The following KIAA1217 variants were observed in gnomAD, a reference collection of about 807,000 sequenced individuals.
KIAA1217 encodes the protein sickle tail protein homolog.
A neutral mutation model predicts 163.9 loss-of-function variants in KIAA1217; 88 were observed. That is an observed-to-expected ratio of 0.54 (90% CI 0.45 to 0.64). The LOEUF is 0.64. Among genes scored for constraint, KIAA1217 ranks in the 30% least tolerant of loss-of-function variants. The pLI, the probability that KIAA1217 is intolerant of heterozygous loss-of-function variation, is 0.00. For missense variants in KIAA1217, 2,372 were observed against 2,475.0 expected, an observed-to-expected ratio of 0.96 and a Z score of 0.88; for synonymous variants, 903 against 923.1, an observed-to-expected ratio of 0.98 and a Z score of 0.39.
At chr10:23,993,587 A>G (rs1041708135) in intron 1 of KIAA1217, among the ~76,000 whole-genome samples, 26 of 50,906 alleles carry the variant, frequency 5.1e-4, no homozygotes, top group African/African-American at 4.9e-3. Context: ...ACAGAGTCTC[A>G]TTCTGTTGCC....
At chr10:23,856,455 G>A (rs542789930) in intron 1 of KIAA1217, among the ~76,000 whole-genome samples, 59 of 152,348 alleles carry the variant, frequency 3.9e-4, no homozygotes, top group African/African-American at 1.3e-3. Context: ...CTGCTCGGGG[G>A]TCAGGGGTCA....
chr10:23,711,134 G>C (rs74465412), intron 1 of KIAA1217, among the ~76,000 whole-genome samples: 3,283 of 152,238 alleles, frequency 0.022, 112 homozygotes, highest in African/African-American at 0.075. Flanking sequence ...CCGTGTGCTT[G>C]AATATGGATG....
At chr10:23,760,620 T>G (rs534427463) in intron 1 of KIAA1217, among the ~76,000 whole-genome samples, 4 of 152,206 alleles carry the variant, frequency 2.6e-5, no homozygotes, top group South Asian at 4.1e-4. Context: ...TATAGGGGAA[T>G]GATTTTAAAA....
At chr10:24,132,076 T>C (rs1466397948) in intron 2 of KIAA1217, among the ~76,000 whole-genome samples, 23 of 152,186 alleles carry the variant, frequency 1.5e-4, no homozygotes, top group Non-Finnish European at 2.9e-5. Flanking sequence ...CTTTGCTATT[T>C]TGAGGGCCCC....
intron 1 of KIAA1217, among the ~76,000 whole-genome samples, chr10:23,925,756 C>A (rs1351639708): frequency 6.6e-6 from 1 of 152,144 alleles, no homozygotes; most frequent in Non-Finnish European, 1.5e-5. Flanking sequence ...TTTCTGGTCC[C>A]TGTCTCTTTC....
intron 1 of KIAA1217, among the ~76,000 whole-genome samples, chr10:23,714,107 C>T (rs1371925969): frequency 6.6e-6 from 1 of 152,062 alleles, no homozygotes; most frequent in Non-Finnish European, 1.5e-5. Context: ...TGAACATATC[C>T]TAGACTTCTA....
chr10:24,438,872 A>C (rs1194859794), intron 5 of KIAA1217, among the ~76,000 whole-genome samples: 1 of 152,228 alleles, frequency 6.6e-6, no homozygotes, highest in Non-Finnish European at 1.5e-5. Flanking sequence ...AATTGCATGG[A>C]AAATCTATTC....
Position 24,510,310 on chromosome 10 carries a change from A to G in KIAA1217, c.2002-2949A>G, listed in dbSNP as rs201778561. ...TATTCCACCAATAATTTCTAGCATG[A>G]TATCCATTGTTAATATCCACTATCT... On this transcript the variant is annotated intron_variant, in intron 9 of 20. Coordinates refer to ENST00000376454, the MANE Select transcript of KIAA1217 (RefSeq NM_019590.5). Among the ~76,000 whole-genome samples the G allele has an allele frequency of 3.3e-5, 5 of 152,276 alleles. No homozygotes were observed. In the East Asian group the frequency reaches 7.7e-4, roughly 24 times the overall value.
chr10:24,345,243 G>T (rs545487488), intron 2 of KIAA1217, among the ~76,000 whole-genome samples: 2 of 152,308 alleles, frequency 1.3e-5, no homozygotes, highest in South Asian at 4.1e-4. Context: ...GCAGATCATG[G>T]CAGATGGCAC....
chr10:23,794,007 C>G (rs925619654), intron 1 of KIAA1217, among the ~76,000 whole-genome samples: 1 of 152,176 alleles, frequency 6.6e-6, no homozygotes, highest in African/African-American at 2.4e-5. Flanking sequence ...TAAGAGGAAA[C>G]TATTGCCCTT....
At chr10:23,899,110 T>A (rs1338390944) in intron 1 of KIAA1217, among the ~76,000 whole-genome samples, 1 of 152,130 alleles carries the variant, frequency 6.6e-6, no homozygotes, top group African/African-American at 2.4e-5. Flanking sequence ...TTGTTTCCTC[T>A]ATAATCAATG....
chr10:23,890,750 C>T (rs1805825161), intron 1 of KIAA1217, among the ~76,000 whole-genome samples: 1 of 151,924 alleles, frequency 6.6e-6, no homozygotes, highest in Non-Finnish European at 1.5e-5. Flanking sequence ...CTGTAAATGT[C>T]AATTAGGTTA....
At chr10:24,456,551 A>G (rs1373555815) in intron 5 of KIAA1217, among the ~76,000 whole-genome samples, 2 of 152,150 alleles carry the variant, frequency 1.3e-5, no homozygotes, top group African/African-American at 2.4e-5. Context: ...TGTCAGGACT[A>G]CAGTCACAGT....
At chr10:24,103,552 A>T (rs1457106337) in intron 2 of KIAA1217, among the ~76,000 whole-genome samples, 1 of 152,218 alleles carries the variant, frequency 6.6e-6, no homozygotes, top group Non-Finnish European at 1.5e-5. Context: ...AAACCCAACA[A>T]TAATAAGACA....
At chr10:24,087,983 T>C (rs1264008458) in intron 2 of KIAA1217, among the ~76,000 whole-genome samples, 2 of 88,980 alleles carry the variant, frequency 2.2e-5, no homozygotes, top group African/African-American at 5.5e-5. Context: ...CAAACCAAGT[T>C]AGTGGACCAT....
chr10:24,093,979 C>T (rs1006484267), intron 2 of KIAA1217, among the ~76,000 whole-genome samples: 2 of 151,830 alleles, frequency 1.3e-5, no homozygotes, highest in African/African-American at 4.8e-5. Context: ...AGGACATGAA[C>T]TCATCATTTT....
chr10:23,742,628 C>G (rs1839183235), intron 1 of KIAA1217, among the ~76,000 whole-genome samples: 1 of 152,166 alleles, frequency 6.6e-6, no homozygotes, highest in African/African-American at 2.4e-5. Context: ...TGTGTGAACT[C>G]AGAGCAAGAG....
At chr10:23,737,274 C>A (rs747712140) in intron 1 of KIAA1217, among the ~76,000 whole-genome samples, 10 of 152,206 alleles carry the variant, frequency 6.6e-5, no homozygotes, top group Non-Finnish European at 1.3e-4. Flanking sequence ...TCTCAGCTCA[C>A]TGCCACCTCT....
At chr10:24,190,115 T>C (rs1419468265) in intron 2 of KIAA1217, among the ~76,000 whole-genome samples, 1 of 152,104 alleles carries the variant, frequency 6.6e-6, no homozygotes, top group East Asian at 1.9e-4. Context: ...GGCCTGTTTG[T>C]TCAGATTCTT....
Sources: allele counts gnomAD v4.1 joint callset (sites outside exome capture counted in the v4.1 genomes callset), GRCh38; gene constraint gnomAD v4.1.1; transcripts MANE v1.5; gene names NCBI Gene and HGNC (gene_info 2026-07-23, HGNC 2026-07-21).